The following CFDP1 variants were observed in gnomAD, a reference collection of about 807,000 sequenced individuals.
CFDP1 encodes chromatin remodeling protein CFDP1.
CFDP1 carries 31 observed loss-of-function variants against 40.1 expected under a neutral mutation model. The ratio of observed to expected loss-of-function variants is 0.77; its 90% CI spans 0.58 to 1.04. The LOEUF (loss-of-function observed/expected upper bound fraction) is 1.04, where lower values mean the gene tolerates loss of function less well. Ranked by LOEUF, CFDP1 falls within the 50% of genes least tolerant of loss-of-function variation. The pLI, the probability that CFDP1 is intolerant of heterozygous loss-of-function variation, is 0.00. For synonymous variants in CFDP1, 167 were observed against 120.0 expected (o/e 1.39, Z -2.56); for missense variants, 423 against 343.4 (o/e 1.23, Z -1.83).
rs1042252041 is a variant in CFDP1 at position 75,414,589 on chromosome 16, G to A, written c.171C>T (p.Ser57=). ...KTQGKKRKAQ[S]IPARKRRQGG... ...GAAGGCAGCATCACCTGGCTGGAAT[G>A]CTCTGGGCCTTTCTTTTTTTCCCTT... The change falls in exon 2 of 7, where the codon AGC becomes AGT. Residue 57 remains serine, a synonymous_variant. Coordinates refer to ENST00000283882, the MANE Select transcript of CFDP1 (RefSeq NM_006324.3). The A allele has an allele frequency of 6.2e-7, 1 of 1,610,448 alleles. No individual in the cohort carries two copies. Among genetic ancestry groups the A allele is most frequent in the Admixed American group, 1.7e-5 (1 of 59,992 alleles).
At chr16:75,397,372 G>A (rs2079004289) in intron 4 of CFDP1, among the ~76,000 whole-genome samples, 1 of 149,650 alleles carries the variant, frequency 6.7e-6, no homozygotes, top group Non-Finnish European at 1.5e-5. Flanking sequence ...AAAGTTAACT[G>A]AGTGTGGTGG....
chr16:75,417,167 TCAAAAA>T (rs1464455088), intron 1 of CFDP1, among the ~76,000 whole-genome samples: 3 of 152,060 alleles, frequency 2.0e-5, no homozygotes, highest in African/African-American at 2.4e-5. Flanking sequence ...AGACCCTGTC[TCAAAAA>T]CAAAAACAAA....
chr16:75,412,038 T>G, intron 3 of CFDP1, 86 bp from the exon 4 acceptor site: 1 of 1,364,212 alleles, frequency 7.3e-7, no homozygotes, highest in Non-Finnish European at 9.8e-7. Context: ...TTCTTTGAGA[T>G]AGCGTCTCAC....
intron 5 of CFDP1, among the ~76,000 whole-genome samples, chr16:75,331,446 T>A (rs559685021): frequency 1.3e-5 from 2 of 152,200 alleles, no homozygotes; most frequent in African/African-American, 4.8e-5. Flanking sequence ...GTACTATTTA[T>A]CTCCCATCAG....
intron 5 of CFDP1, among the ~76,000 whole-genome samples, chr16:75,352,953 G>C (rs984744586): frequency 2.6e-5 from 4 of 152,052 alleles, no homozygotes; most frequent in Non-Finnish European, 5.9e-5. Context: ...ATTGTCTTCC[G>C]ATAAAACTAC....
intron 5 of CFDP1, among the ~76,000 whole-genome samples, chr16:75,355,656 G>A (rs1023858689): frequency 5.3e-5 from 8 of 152,184 alleles, no homozygotes; most frequent in African/African-American, 1.9e-4. Context: ...GCAGGATAAG[G>A]TGGAGGTAAC....
chr16:75,415,681 T>A (rs1265293371), intron 1 of CFDP1, among the ~76,000 whole-genome samples: 1 of 152,232 alleles, frequency 6.6e-6, no homozygotes, highest in Admixed American at 6.5e-5. Flanking sequence ...TCACCCACAT[T>A]GTTGCAGTGT....
intron 5 of CFDP1, among the ~76,000 whole-genome samples, chr16:75,370,332 A>T (rs1320476411): frequency 1.3e-5 from 2 of 151,774 alleles, no homozygotes; most frequent in Non-Finnish European, 2.9e-5. Context: ...ACCTCAGGTG[A>T]TCCACTGACC....
At chr16:75,376,082 G>T (rs2078793236) in intron 5 of CFDP1, among the ~76,000 whole-genome samples, 1 of 151,902 alleles carries the variant, frequency 6.6e-6, no homozygotes, top group Admixed American at 6.5e-5. Context: ...ATAGTGGTGT[G>T]CACCTGTAGT....
chr16:75,392,063 T>G (rs2078956932), intron 5 of CFDP1, among the ~76,000 whole-genome samples: 1 of 152,188 alleles, frequency 6.6e-6, no homozygotes, highest in East Asian at 1.9e-4. Context: ...AAAAACATGT[T>G]GTTTCAGCCT....
intron 5 of CFDP1, among the ~76,000 whole-genome samples, chr16:75,389,095 T>A (rs1209755100): frequency 6.6e-6 from 1 of 152,178 alleles, no homozygotes; most frequent in Non-Finnish European, 1.5e-5. Flanking sequence ...GATTACAAAT[T>A]TTAATGACAC....
At chr16:75,359,101 C>T (rs1258289878) in intron 5 of CFDP1, among the ~76,000 whole-genome samples, 2 of 152,116 alleles carry the variant, frequency 1.3e-5, no homozygotes, top group Middle Eastern at 3.2e-3. Flanking sequence ...TCAGCCAAAA[C>T]AACTGATTAA....
At chr16:75,334,431 C>T (rs1462330463) in intron 5 of CFDP1, among the ~76,000 whole-genome samples, 2 of 150,264 alleles carry the variant, frequency 1.3e-5, no homozygotes, top group African/African-American at 4.9e-5. Context: ...CTGCACTTTC[C>T]TGGGATACAA....
chr16:75,374,954 C>G (rs2078780984), intron 5 of CFDP1, among the ~76,000 whole-genome samples: 1 of 151,954 alleles, frequency 6.6e-6, no homozygotes, highest in African/African-American at 2.4e-5. Flanking sequence ...ACAGTGGAGA[C>G]CTTACAAAAA....
At chr16:75,427,555 A>C (rs183180648) in intron 1 of CFDP1, among the ~76,000 whole-genome samples, 1 of 152,180 alleles carries the variant, frequency 6.6e-6, no homozygotes, top group East Asian at 1.9e-4. Context: ...TCGGCCCCAA[A>C]TTAGCTAATA....
rs1172047737 is a variant in CFDP1, at chr16:75,395,209, C to G, written c.531G>C (p.Arg177Ser). ...KVFDFAGEEV[R>S]VTKEVDATSK... The stretch of plus-strand genomic sequence containing the variant: ...ATGTAGCATCCACTTCCTTAGTTAC[C>G]CTGTGCCAAGGAAAAAGACATCAAG... The change falls in exon 5 of 7, where the codon AGG (arginine) becomes AGC (serine). Residue 177 changes from arginine (R) to serine (S), a missense_variant and splice_region_variant. Arg to Ser is a moderately radical substitution (Grantham distance 110, BLOSUM62 -1). Transcript: ENST00000283882. 6.2e-7 allele frequency: 1 copy of G among 1,612,714 alleles called. No homozygotes were observed. Among genetic ancestry groups the G allele is most frequent in the East Asian group, 2.2e-5 (1 of 44,822 alleles).
At chr16:75,341,599 T>C (rs550460694) in intron 5 of CFDP1, among the ~76,000 whole-genome samples, 1 of 152,086 alleles carries the variant, frequency 6.6e-6, no homozygotes, top group South Asian at 2.1e-4. Flanking sequence ...ATGTCTGGCA[T>C]TGCTCTGGCA....
chr16:75,304,873 A>G, intron 6 of CFDP1, 151 bp downstream of exon 6: 1 of 837,322 alleles, frequency 1.2e-6, no homozygotes, highest in Non-Finnish European at 1.9e-6. Flanking sequence ...CCACACTGGA[A>G]CAGAGACTTA....
intron 1 of CFDP1, among the ~76,000 whole-genome samples, chr16:75,431,457 A>AT (rs893218313): frequency 1.0e-4 from 15 of 144,272 alleles, no homozygotes; most frequent in African/African-American, 4.0e-4. Context: ...CTTGTCTCAA[A>AT]AAAAAAAAAA....
Sources: gnomAD v4.1 joint callset for allele counts (sites outside exome capture counted in the v4.1 genomes callset) on GRCh38, gnomAD v4.1.1 for gene constraint, MANE v1.5 for transcripts, NCBI Gene and HGNC (gene_info 2026-07-23, HGNC 2026-07-21) for gene names.